Variants in ZFAND6 observed in about 807,000 individuals in gnomAD.
ZFAND6 encodes the protein zinc finger AN1-type containing 6, also known as AN1-type zinc finger protein 6.
ZFAND6 carries 12 observed loss-of-function variants against 24.5 expected under a neutral mutation model. The ratio of observed to expected loss-of-function variants is 0.49; its 90% CI spans 0.31 to 0.79. The LOEUF is 0.79. ZFAND6 is among the 30% of genes least tolerant of loss of function. The pLI is 0.04. For synonymous variants in ZFAND6, 92 were observed against 81.5 expected (o/e 1.13, Z -0.69); for missense variants, 207 against 245.9 (o/e 0.84, Z 1.06).
chr15:80,059,326 C>T (rs2036198567), upstream of ZFAND6, among the ~76,000 whole-genome samples: 1 of 152,252 alleles, frequency 6.6e-6, no homozygotes, highest in Non-Finnish European at 1.5e-5. Context: ...TAACCAAGCC[C>T]TTAAAGTCTC....
At chr15:80,107,072 A>G (rs1334890766) in intron 2 of ZFAND6, among the ~76,000 whole-genome samples, 1 of 152,022 alleles carries the variant, frequency 6.6e-6, no homozygotes, top group African/African-American at 2.4e-5. Context: ...AAAATCAGCC[A>G]GGCATGGTGG....
intron 5 of ZFAND6, 63 bp downstream of exon 5, chr15:80,122,863 G>A (rs911221530): frequency 7.6e-7 from 1 of 1,307,222 alleles, no homozygotes; most frequent in Non-Finnish European, 1.1e-6. Flanking sequence ...ACTATCCTAG[G>A]TGCATGTATA....
At chr15:80,060,542 A>G (rs2036274925) in intron 1 of ZFAND6, 1 of 152,116 alleles carries the variant, frequency 6.6e-6, no homozygotes, top group Non-Finnish European at 1.5e-5. Context: ...TTACCTTCAC[A>G]TCTCGGAAGT....
At chr15:80,061,399 A>C (rs1027237138) in intron 1 of ZFAND6, among the ~76,000 whole-genome samples, 8 of 152,206 alleles carry the variant, frequency 5.3e-5, no homozygotes, top group Admixed American at 2.0e-4. Context: ...CCAAAAAAAA[A>C]CACGGTAAAG....
At chr15:80,134,568 A>G (rs186397508) in intron 6 of ZFAND6, among the ~76,000 whole-genome samples, 1 of 152,370 alleles carries the variant, frequency 6.6e-6, no homozygotes, top group Non-Finnish European at 1.5e-5. Flanking sequence ...GCCTGAAACA[A>G]CAAATTTTTG....
At chr15:80,080,877 GA>G (rs2037624308) in intron 1 of ZFAND6, among the ~76,000 whole-genome samples, 1 of 152,180 alleles carries the variant, frequency 6.6e-6, no homozygotes, top group African/African-American at 2.4e-5. Context: ...CAGATCTTGT[GA>G]AAACTATCTC....
At chr15:80,068,706 C>T (rs935172782) in intron 1 of ZFAND6, among the ~76,000 whole-genome samples, 2 of 152,180 alleles carry the variant, frequency 1.3e-5, no homozygotes, top group South Asian at 2.1e-4. Context: ...AATCTGTCTG[C>T]CTTGGCCTCT....
chr15:80,068,132 T>G (rs1411440995), intron 1 of ZFAND6, among the ~76,000 whole-genome samples: 1 of 144,594 alleles, frequency 6.9e-6, no homozygotes, highest in Non-Finnish European at 1.5e-5. Flanking sequence ...TGGCCTGTTT[T>G]TTTTTTTTTT....
chr15:80,071,745 T>TAA (rs990222363), intron 1 of ZFAND6, among the ~76,000 whole-genome samples: 5 of 139,196 alleles, frequency 3.6e-5, no homozygotes, highest in African/African-American at 2.6e-5. Flanking sequence ...TTCCACACAT[T>TAA]AAAAAAAAAA....
chr15:80,112,260 CAAA>C (rs1219961004), intron 2 of ZFAND6, among the ~76,000 whole-genome samples: 1 of 152,070 alleles, frequency 6.6e-6, no homozygotes, highest in Non-Finnish European at 1.5e-5. Flanking sequence ...AACTCCATCT[CAAA>C]AAACTGCTAT....
chr15:80,113,074 T>C (rs771491202), intron 2 of ZFAND6, among the ~76,000 whole-genome samples: 1 of 152,244 alleles, frequency 6.6e-6, no homozygotes, highest in Non-Finnish European at 1.5e-5. Context: ...CAAAGCTTAA[T>C]GTGCATTCTT....
intron 2 of ZFAND6, among the ~76,000 whole-genome samples, chr15:80,114,135 G>A (rs536616087): frequency 1.8e-4 from 28 of 152,304 alleles, no homozygotes; most frequent in South Asian, 8.3e-4. Context: ...AGTAAGAACA[G>A]TTATTGAAAT....
chr15:80,117,907 G>T (rs972657778), intron 2 of ZFAND6, among the ~76,000 whole-genome samples: 1 of 152,002 alleles, frequency 6.6e-6, no homozygotes, highest in Non-Finnish European at 1.5e-5. Flanking sequence ...TAACTCACTA[G>T]TATTATTATG....
chr15:80,101,132 G>A (rs1488042063), intron 2 of ZFAND6, among the ~76,000 whole-genome samples: 1 of 152,142 alleles, frequency 6.6e-6, no homozygotes, highest in Non-Finnish European at 1.5e-5. Flanking sequence ...TTCAATTAAG[G>A]TATCATAAGA....
chr15:80,061,043 G>C (rs12899145), intron 1 of ZFAND6, among the ~76,000 whole-genome samples: 12,562 of 152,258 alleles, frequency 0.083, 600 homozygotes, highest in East Asian at 0.19. Flanking sequence ...TTTAAGGTTA[G>C]TTGTTCGGTA....
intron 2 of ZFAND6, among the ~76,000 whole-genome samples, chr15:80,102,464 G>A (rs2039088144): frequency 6.6e-6 from 1 of 152,166 alleles, no homozygotes. Context: ...AAGCAGTGTT[G>A]CAAGTATTGA....
chr15:80,104,733 T>C (rs2039230370), intron 2 of ZFAND6, among the ~76,000 whole-genome samples: 2 of 152,238 alleles, frequency 1.3e-5, no homozygotes, highest in African/African-American at 4.8e-5. Flanking sequence ...TTCTTTGCAT[T>C]AGCTCCTTGA....
At chr15:80,123,600 A>G (rs1522635) in intron 5 of ZFAND6, among the ~76,000 whole-genome samples, 1 of 152,114 alleles carries the variant, frequency 6.6e-6, no homozygotes, top group Non-Finnish European at 1.5e-5. Flanking sequence ...CTAGTTTAAG[A>G]TGGCTAAATT....
chr15:80,085,970 C>T (rs1370885212), intron 1 of ZFAND6, among the ~76,000 whole-genome samples: 1 of 152,166 alleles, frequency 6.6e-6, no homozygotes, highest in African/African-American at 2.4e-5. Flanking sequence ...TATCTGCACC[C>T]ATACCAGTAG....
Sources: gnomAD v4.1 joint callset for allele counts (sites outside exome capture counted in the v4.1 genomes callset) on GRCh38, gnomAD v4.1.1 for gene constraint, MANE v1.5 for transcripts, NCBI Gene and HGNC (gene_info 2026-07-23, HGNC 2026-07-21) for gene names.